Variants in LRMDA observed in about 807,000 individuals in gnomAD.
LRMDA encodes leucine rich melanocyte differentiation associated.
A neutral mutation model predicts 29.8 loss-of-function variants in LRMDA; 18 were observed. That is an observed-to-expected ratio of 0.60 (90% CI 0.42 to 0.90). LRMDA has a LOEUF of 0.90. LRMDA is among the 40% of genes least tolerant of loss of function. The probability of loss-of-function intolerance (pLI) is 0.00; values close to 1 mark genes in which losing one functional copy is unlikely to be tolerated. For synonymous variants in LRMDA, 125 were observed against 109.4 expected (o/e 1.14, Z -0.89); for missense variants, 273 against 273.9 (o/e 1.00, Z 0.02).
chr10:76,105,395 C>G (rs967320798), intron 5 of LRMDA, among the ~76,000 whole-genome samples: 1 of 151,378 alleles, frequency 6.6e-6, no homozygotes, highest in African/African-American at 2.4e-5. Context: ...TCCCCTGGAA[C>G]CTGTGAATGT....
chr10:75,476,159 G>A (rs1242675480), intron 2 of LRMDA, among the ~76,000 whole-genome samples: 2 of 152,206 alleles, frequency 1.3e-5, no homozygotes, highest in Admixed American at 1.3e-4. Context: ...TTCTCACTGG[G>A]TTTCTCTTTC....
At chr10:76,054,729 T>C (rs1468282760) in intron 4 of LRMDA, among the ~76,000 whole-genome samples, 3 of 151,256 alleles carry the variant, frequency 2.0e-5, no homozygotes, top group African/African-American at 7.3e-5. Flanking sequence ...ACTTTTCTGC[T>C]ACAAGCAGAA....
At chr10:75,993,732 CAA>C (rs111967250) in intron 2 of LRMDA, among the ~76,000 whole-genome samples, 11 of 133,030 alleles carry the variant, frequency 8.3e-5, no homozygotes, top group Admixed American at 7.7e-5. Flanking sequence ...GACTTCATCT[CAA>C]AAAAAAAAAA....
chr10:76,147,590 T>C (rs1379131038), intron 5 of LRMDA, among the ~76,000 whole-genome samples: 1 of 151,858 alleles, frequency 6.6e-6, no homozygotes, highest in Admixed American at 6.6e-5. Context: ...ATTCGTCTAA[T>C]TTTTTTTCAA....
At chr10:76,278,236 A>G (rs999098256) in intron 5 of LRMDA, among the ~76,000 whole-genome samples, 5 of 152,144 alleles carry the variant, frequency 3.3e-5, no homozygotes, top group Admixed American at 6.6e-5. Context: ...ATCTGTGCTC[A>G]TGTGTTTACC....
At chr10:76,290,179 T>C (rs1483934404) in intron 5 of LRMDA, among the ~76,000 whole-genome samples, 4 of 152,162 alleles carry the variant, frequency 2.6e-5, no homozygotes, top group Non-Finnish European at 5.9e-5. Context: ...AACTTTATTG[T>C]TACAATCTCT....
intron 6 of LRMDA, among the ~76,000 whole-genome samples, chr10:76,344,729 T>C (rs1020803090): frequency 6.6e-6 from 1 of 152,062 alleles, no homozygotes; most frequent in African/African-American, 2.4e-5. Flanking sequence ...AGAACTAGAC[T>C]CAGTTACATG....
At chr10:76,368,295 G>T (rs1425327118) in intron 6 of LRMDA, among the ~76,000 whole-genome samples, 3 of 152,122 alleles carry the variant, frequency 2.0e-5, no homozygotes, top group Non-Finnish European at 2.9e-5. Flanking sequence ...TCAATAGGTT[G>T]TGTCACTATT....
chr10:75,621,544 A>G (rs1841186063), intron 2 of LRMDA, among the ~76,000 whole-genome samples: 1 of 152,160 alleles, frequency 6.6e-6, no homozygotes, highest in Non-Finnish European at 1.5e-5. Flanking sequence ...TGGATAAGCT[A>G]CTGTGCCCAG....
intron 6 of LRMDA, among the ~76,000 whole-genome samples, chr10:76,434,448 T>C (rs1407608655): frequency 6.6e-6 from 1 of 152,114 alleles, no homozygotes; most frequent in Non-Finnish European, 1.5e-5. Flanking sequence ...CATGATTGCT[T>C]CTTTCTTTCT....
At chr10:75,455,705 G>C (rs989071732) in intron 2 of LRMDA, among the ~76,000 whole-genome samples, 4 of 152,222 alleles carry the variant, frequency 2.6e-5, no homozygotes, top group Admixed American at 1.3e-4. Context: ...GTACACACAG[G>C]ATAGCACAGT....
At chr10:76,413,013 A>C (rs1841978971) in intron 6 of LRMDA, among the ~76,000 whole-genome samples, 1 of 151,910 alleles carries the variant, frequency 6.6e-6, no homozygotes, top group African/African-American at 2.4e-5. Context: ...TCTTTGCCTT[A>C]CTGACTCTTT....
At chr10:75,865,861 G>C (rs1845009626) in intron 2 of LRMDA, among the ~76,000 whole-genome samples, 1 of 152,082 alleles carries the variant, frequency 6.6e-6, no homozygotes, top group South Asian at 2.1e-4. Flanking sequence ...GAAGAAAAAA[G>C]CAATGAAAAC....
At chr10:76,231,844 T>A (rs1173009762) in intron 5 of LRMDA, among the ~76,000 whole-genome samples, 1 of 152,156 alleles carries the variant, frequency 6.6e-6, no homozygotes, top group African/African-American at 2.4e-5. Context: ...TCACACACAG[T>A]TAGTTTGAGA....
intron 2 of LRMDA, among the ~76,000 whole-genome samples, chr10:75,461,570 TA>T (rs1005280956): frequency 1.3e-5 from 2 of 152,156 alleles, no homozygotes; most frequent in Non-Finnish European, 2.9e-5. Context: ...CCATCTCTCC[TA>T]GGGAGAGTCT....
intron 6 of LRMDA, among the ~76,000 whole-genome samples, chr10:76,402,610 A>C (rs1254967373): frequency 6.6e-6 from 1 of 152,014 alleles, no homozygotes; most frequent in African/African-American, 2.4e-5. Context: ...CGCCTTGATC[A>C]CCATAAGTGC....
intron 2 of LRMDA, among the ~76,000 whole-genome samples, chr10:75,829,504 T>C (rs1176306931): frequency 6.6e-6 from 1 of 152,156 alleles, no homozygotes; most frequent in African/African-American, 2.4e-5. Flanking sequence ...AAAAATAATG[T>C]TTTTCTGATT....
chr10:76,385,166 G>T (rs1841644506), intron 6 of LRMDA, among the ~76,000 whole-genome samples: 1 of 152,232 alleles, frequency 6.6e-6, no homozygotes, highest in Admixed American at 6.5e-5. Context: ...GAGGCTGTCA[G>T]TGAGTGAGAG....
intron 6 of LRMDA, among the ~76,000 whole-genome samples, chr10:76,340,515 CAA>C (rs1174024731): frequency 1.0e-3 from 78 of 75,748 alleles, no homozygotes; most frequent in African/African-American, 4.2e-3. Flanking sequence ...GAACCTGTAT[CAA>C]AAAAAAAAAA....
Sources: allele counts gnomAD v4.1 joint callset (sites outside exome capture counted in the v4.1 genomes callset), GRCh38; gene constraint gnomAD v4.1.1; transcripts MANE v1.5; gene names NCBI Gene and HGNC (gene_info 2026-07-23, HGNC 2026-07-21).